HEG1: variants seen among roughly 807,000 people sequenced by gnomAD.
The protein encoded by HEG1 is heart development protein with EGF like domains 1, also known as protein HEG homolog 1.
Under a neutral mutation model 125.6 loss-of-function variants are expected in HEG1, and 56 were observed. That is an observed-to-expected ratio of 0.45 (90% CI 0.36 to 0.56). HEG1 has a LOEUF of 0.56. HEG1 is among the 20% of genes least tolerant of loss of function. The pLI is 0.00. For missense variants in HEG1, 1,523 were observed against 1,670.0 expected (o/e 0.91, Z 1.53); for synonymous variants, 644 against 668.5 (o/e 0.96, Z 0.57).
rs1937545939 is a variant in HEG1, at chr3:125,036,214, A to AAAAAAAAAAAAG, written c.317-6727_317-6726insCTTTTTTTTTTT. On this transcript the variant is annotated intron_variant, in intron 1 of 16. Coordinates refer to ENST00000311127, the MANE Select transcript of HEG1 (RefSeq NM_020733.2). ...GACAAAGCAAGACCCTGTCTCAAAA[A>AAAAAAAAAAAAG]AAAAAAAAAAAAGAAAAGAAATGGA... Among the ~76,000 whole-genome samples, 3 of 149,660 alleles carry AAAAAAAAAAAAG rather than the reference A, an allele frequency of 2.0e-5. No individual in the cohort carries two copies. In the Admixed American group the frequency reaches 2.0e-4, roughly 10 times the overall value.
At chr3:125,014,970 C>G (rs1937223135) in intron 5 of HEG1, 2 of 1,278,802 alleles carry the variant, frequency 1.6e-6, no homozygotes, top group Non-Finnish European at 2.0e-6. Flanking sequence ...ATTGGCGGAA[C>G]TGTCACCTAG....
chr3:124,997,312 A>G (rs1385053810), intron 12 of HEG1, among the ~76,000 whole-genome samples: 1 of 152,210 alleles, frequency 6.6e-6, no homozygotes, highest in South Asian at 2.1e-4. Context: ...TCTGAAAGAT[A>G]TAAGCCTGAC....
At position 125,013,689 on chromosome 3, in the gene HEG1, T is replaced by C; in HGVS notation, c.1890A>G (p.Thr630=). ...TGGGTGTGTAGGACGGAAGGTTGGA[T>C]GTATGCAGAACTGGCGACTCAGTAG... ...QPSTESPVLH[T]SNLPSYTPTI... The change falls in exon 6 of 17, where the codon ACA becomes ACG. Residue 630 remains threonine, a synonymous_variant. Coordinates refer to ENST00000311127, the MANE Select transcript of HEG1 (RefSeq NM_020733.2). 1 of 1,613,820 alleles carries C rather than the reference T, an allele frequency of 6.2e-7. No homozygotes were observed. Among genetic ancestry groups the C allele is most frequent in the South Asian group, 1.1e-5 (1 of 91,058 alleles).
intron 5 of HEG1, among the ~76,000 whole-genome samples, chr3:125,018,426 A>C (rs1937285751): frequency 6.6e-6 from 1 of 152,142 alleles, no homozygotes; most frequent in Non-Finnish European, 1.5e-5. Flanking sequence ...GGGTGATGGA[A>C]ATGCTCTGGA....
chr3:124,975,386 T>C (rs1369265274), intron 15 of HEG1, among the ~76,000 whole-genome samples: 1 of 152,214 alleles, frequency 6.6e-6, no homozygotes, highest in Non-Finnish European at 1.5e-5. Context: ...GGGGAATCAA[T>C]TTCCTCCTTT....
intron 1 of HEG1, among the ~76,000 whole-genome samples, chr3:125,031,111 T>C (rs1360035353): frequency 6.6e-6 from 1 of 152,182 alleles, no homozygotes; most frequent in Non-Finnish European, 1.5e-5. Flanking sequence ...GGAAGTCATG[T>C]GTAGCATCAA....
intron 15 of HEG1, among the ~76,000 whole-genome samples, chr3:124,975,191 T>C (rs1156987222): frequency 1.3e-5 from 2 of 152,222 alleles, no homozygotes; most frequent in Non-Finnish European, 2.9e-5. Context: ...TAGGGCACAT[T>C]GCTCTCTGCT....
intron 11 of HEG1, 93 bp from the exon 12 acceptor site, chr3:124,997,916 T>C (rs116560637): frequency 3.0e-6 from 4 of 1,345,664 alleles, no homozygotes; most frequent in Non-Finnish European, 3.9e-6. Context: ...TGTGTCTGCA[T>C]GAACTCTCTA....
Position 124,969,405 on chromosome 3 carries a change from C to T in HEG1, c.*1247G>A, listed in dbSNP as rs1056424857. ...CCCACACTGACTGGAAGTATAACCACGTTTCTGGAGGGTGCGACATAGCCA... is the reference window on the plus strand; with the variant it reads ...CCCACACTGACTGGAAGTATAACCATGTTTCTGGAGGGTGCGACATAGCCA... On this transcript the variant is annotated 3_prime_UTR_variant, in exon 17 of 17. Transcript: ENST00000311127. The T allele has an allele frequency of 4.6e-5, 7 of 152,162 alleles. No individual in the cohort carries two copies. The highest frequency in any genetic ancestry group is 1.9e-4 in the East Asian group (1 of 5,200). The allele number at this position is 152,162 out of a possible 1,614,324, so 9.4% of individuals were successfully genotyped here.
chr3:125,008,599 G>C (rs1307350140), intron 8 of HEG1, among the ~76,000 whole-genome samples: 1 of 152,126 alleles, frequency 6.6e-6, no homozygotes, highest in Non-Finnish European at 1.5e-5. Flanking sequence ...TCAGGAGTTC[G>C]AGAGCATGGC....
At chr3:125,034,470 A>G (rs77656134) in intron 1 of HEG1, among the ~76,000 whole-genome samples, 77,186 of 152,038 alleles carry the variant, frequency 0.51, 19,800 homozygotes, top group Middle Eastern at 0.64. Flanking sequence ...AAACTCAACA[A>G]CAGATTAGAT....
intron 1 of HEG1, among the ~76,000 whole-genome samples, chr3:125,052,407 C>T (rs77951000): frequency 0.011 from 1,662 of 152,292 alleles, 37 homozygotes; most frequent in African/African-American, 0.037. Flanking sequence ...GCTCAAAGCG[C>T]TTCCTTTCCT....
intron 1 of HEG1, among the ~76,000 whole-genome samples, chr3:125,034,935 G>A (rs1937537061): frequency 6.6e-6 from 1 of 152,156 alleles, no homozygotes; most frequent in South Asian, 2.1e-4. Flanking sequence ...GAGTTTAGGA[G>A]GAGAAAACAG....
In HEG1 at chr3:124,997,832, GA is replaced by G; in HGVS notation, c.3518-10del. On this transcript the variant is annotated splice_polypyrimidine_tract_variant and intron_variant, in intron 11 of 16. Transcript: ENST00000311127. ...CTTGCACAAGCTGCCCGCTGGAATG[GA>G]AAAACAAGACAGTGAAACAAAACAA... 1.3e-6 allele frequency: 2 copies of G among 1,563,148 alleles called. No homozygotes were observed. The highest frequency in any genetic ancestry group is 1.9e-5 in the Admixed American group (1 of 53,886).
At chr3:125,004,716 TA>T (rs5852436) in intron 9 of HEG1, among the ~76,000 whole-genome samples, 9,091 of 145,720 alleles carry the variant, frequency 0.062, 776 homozygotes, top group African/African-American at 0.2. Flanking sequence ...CATTTTTCTT[TA>T]AAAAAAAAAA....
intron 5 of HEG1, among the ~76,000 whole-genome samples, chr3:125,017,048 T>C (rs1937260492): frequency 1.4e-5 from 2 of 143,964 alleles, no homozygotes; most frequent in African/African-American, 2.5e-5. Flanking sequence ...GTATCCAAAA[T>C]ATGCAAAGAA....
At chr3:125,025,773 G>T (rs1937406675) in intron 3 of HEG1, among the ~76,000 whole-genome samples, 1 of 152,144 alleles carries the variant, frequency 6.6e-6, no homozygotes, top group Non-Finnish European at 1.5e-5. Context: ...ACAGAACTTT[G>T]AGGCTGGAAG....
chr3:125,047,365 T>G (rs1237636231), intron 1 of HEG1, among the ~76,000 whole-genome samples: 1 of 152,250 alleles, frequency 6.6e-6, no homozygotes, highest in South Asian at 2.1e-4. Flanking sequence ...AGGTGTTATC[T>G]GCACCTCTCC....
intron 1 of HEG1, among the ~76,000 whole-genome samples, chr3:125,049,746 C>G (rs907236867): frequency 1.3e-5 from 2 of 152,172 alleles, no homozygotes; most frequent in Non-Finnish European, 2.9e-5. Context: ...AGTCTTTCCT[C>G]CCAACACATC....
Sources: gnomAD v4.1 joint callset for allele counts (sites outside exome capture counted in the v4.1 genomes callset) on GRCh38, gnomAD v4.1.1 for gene constraint, MANE v1.5 for transcripts, NCBI Gene and HGNC (gene_info 2026-07-23, HGNC 2026-07-21) for gene names.